VWA3B: variants seen among roughly 807,000 people sequenced by gnomAD.
VWA3B encodes von Willebrand factor A domain containing 3B.
In VWA3B, 138 loss-of-function variants were observed where a neutral mutation model predicts 158.3. The ratio of observed to expected loss-of-function variants is 0.87; its 90% confidence interval spans 0.76 to 1.00. The LOEUF is 1.00. Among genes scored for constraint, VWA3B ranks in the 50% least tolerant of loss-of-function variants. VWA3B has a pLI of 0.00. For missense variants in VWA3B, 1,555 were observed against 1,565.1 expected (o/e 0.99, Z 0.11); for synonymous variants, 596 against 587.3 (o/e 1.01, Z -0.21).
chr2:98,256,226 A>T (rs924962488), intron 21 of VWA3B, 52 bp downstream of exon 21: 13 of 1,583,494 alleles, frequency 8.2e-6, no homozygotes, highest in African/African-American at 1.4e-5. Flanking sequence ...AATTCACGTA[A>T]CCTAAAATTA....
chr2:98,193,171 A>G lies in VWA3B; in HGVS notation c.1605+135A>G, dbSNP rs546557613. 3.3e-5 allele frequency: 39 copies of G among 1,170,180 alleles called. No homozygotes were observed. The African/African-American group carries it at 5.4e-4, about 16-fold the overall frequency. The allele number at this position is 1,170,180 out of a possible 1,614,324, so 72.5% of individuals were successfully genotyped here. ...AGAAGTACTCCCTTTTGTTAGTTAA[A>G]GAATCATCAGTTCTCTTTTGCAAAT... On this transcript the variant is annotated intron_variant, in intron 11 of 27. Coordinates refer to ENST00000477737, the MANE Select transcript of VWA3B (RefSeq NM_144992.5).
At chr2:98,165,476 G>C (rs558559534) in intron 8 of VWA3B, among the ~76,000 whole-genome samples, 2 of 152,244 alleles carry the variant, frequency 1.3e-5, no homozygotes, top group South Asian at 4.1e-4. Context: ...GGTGATCCTA[G>C]TGTGCAGCTA....
intron 14 of VWA3B, among the ~76,000 whole-genome samples, chr2:98,227,590 A>G (rs1685017337): frequency 6.6e-6 from 1 of 152,262 alleles, no homozygotes; most frequent in Non-Finnish European, 1.5e-5. Context: ...GATTCATGCT[A>G]CAACATGGGT....
chr2:98,277,370 A>G (rs1439893355), intron 22 of VWA3B, among the ~76,000 whole-genome samples: 3 of 152,134 alleles, frequency 2.0e-5, no homozygotes, highest in Non-Finnish European at 4.4e-5. Context: ...TGTGAATTAT[A>G]ATTAATCCTC....
intron 22 of VWA3B, among the ~76,000 whole-genome samples, chr2:98,280,027 G>A (rs147209723): frequency 5.9e-5 from 9 of 152,376 alleles, no homozygotes; most frequent in Non-Finnish European, 8.8e-5. Flanking sequence ...TGGTTCATAC[G>A]TCAAGGCAGT....
intron 10 of VWA3B, among the ~76,000 whole-genome samples, chr2:98,188,570 A>T (rs1044879224): frequency 1.3e-4 from 20 of 152,148 alleles, no homozygotes; most frequent in Admixed American, 7.2e-4. Flanking sequence ...TTTAGCTCCC[A>T]CATATGAATG....
chr2:98,122,819 A>G (rs1675070249), intron 5 of VWA3B, among the ~76,000 whole-genome samples: 1 of 152,226 alleles, frequency 6.6e-6, no homozygotes, highest in Non-Finnish European at 1.5e-5. Flanking sequence ...TCCAGGAAGT[A>G]AGGAACAATT....
At chr2:98,312,071 C>G in intron 27 of VWA3B, 39 bp downstream of exon 27, 1 of 1,596,540 alleles carries the variant, frequency 6.3e-7, no homozygotes, top group Non-Finnish European at 8.5e-7. Context: ...TCGCTTATCT[C>G]AGGAACACCC....
chr2:98,295,910 C>T (rs1014818149), intron 23 of VWA3B, among the ~76,000 whole-genome samples: 1 of 152,162 alleles, frequency 6.6e-6, no homozygotes, highest in Non-Finnish European at 1.5e-5. Flanking sequence ...CACATGGGGG[C>T]CCTCGAGGCC....
At chr2:98,191,772 C>T (rs893235999) in intron 10 of VWA3B, among the ~76,000 whole-genome samples, 3 of 152,160 alleles carry the variant, frequency 2.0e-5, no homozygotes, top group African/African-American at 4.8e-5. Context: ...GCCAAAATTT[C>T]GAGGACACCC....
chr2:98,221,158 G>A (rs79464443), intron 14 of VWA3B, among the ~76,000 whole-genome samples: 7,177 of 151,888 alleles, frequency 0.047, 255 homozygotes, highest in Middle Eastern at 0.082. Flanking sequence ...ACTCATTGTC[G>A]TGTCATTCTC....
chr2:98,146,603 C>G (rs919095023), intron 7 of VWA3B, among the ~76,000 whole-genome samples: 1 of 152,198 alleles, frequency 6.6e-6, no homozygotes, highest in Non-Finnish European at 1.5e-5. Context: ...AGGCACCCCC[C>G]ACTTCCTCAG....
At chr2:98,198,427 C>T (rs1682244145) in intron 12 of VWA3B, among the ~76,000 whole-genome samples, 1 of 152,076 alleles carries the variant, frequency 6.6e-6, no homozygotes, top group Non-Finnish European at 1.5e-5. Flanking sequence ...CTTTCTTACC[C>T]AATCTCTTTA....
At chr2:98,235,792 T>C (rs897134415) in intron 17 of VWA3B, among the ~76,000 whole-genome samples, 8 of 152,214 alleles carry the variant, frequency 5.3e-5, no homozygotes, top group African/African-American at 1.4e-4. Context: ...CAAATGATGA[T>C]TGGGATATGA....
At chr2:98,164,618 C>T (rs1482244309) in intron 8 of VWA3B, among the ~76,000 whole-genome samples, 5 of 152,198 alleles carry the variant, frequency 3.3e-5, no homozygotes, top group Non-Finnish European at 5.9e-5. Context: ...AAATGCAGAA[C>T]AGCAACTTTC....
At chr2:98,249,402 T>C (rs568146059) in intron 19 of VWA3B, among the ~76,000 whole-genome samples, 2 of 152,202 alleles carry the variant, frequency 1.3e-5, no homozygotes, top group East Asian at 1.9e-4. Flanking sequence ...TAAAGAAGAA[T>C]TTGGAAAAAA....
At chr2:98,268,582 G>A (rs918587622) in intron 21 of VWA3B, among the ~76,000 whole-genome samples, 2 of 150,992 alleles carry the variant, frequency 1.3e-5, no homozygotes, top group Non-Finnish European at 2.9e-5. Flanking sequence ...TCACTTTTCT[G>A]AGTTGTATTT....
At chr2:98,199,101 A>AT (rs1491576567) in intron 12 of VWA3B, among the ~76,000 whole-genome samples, 2 of 151,444 alleles carry the variant, frequency 1.3e-5, no homozygotes, top group East Asian at 1.9e-4. Flanking sequence ...AAAAAAAAAA[A>AT]TTGAGTTTCT....
chr2:98,207,100 T>A (rs536504808), intron 12 of VWA3B: 2 of 525,676 alleles, frequency 3.8e-6, no homozygotes, highest in Non-Finnish European at 7.7e-6. Context: ...CTCAAGGGTG[T>A]CTGCCTTATT....
Sources: gnomAD v4.1 joint callset for allele counts (sites outside exome capture counted in the v4.1 genomes callset) on GRCh38, gnomAD v4.1.1 for gene constraint, MANE v1.5 for transcripts, NCBI Gene and HGNC (gene_info 2026-07-23, HGNC 2026-07-21) for gene names.